The following ITGAD variants were observed in gnomAD, a reference collection of about 807,000 sequenced individuals.
The protein encoded by ITGAD is integrin subunit alpha D.
In ITGAD, 105 loss-of-function variants were observed where a neutral mutation model predicts 139.0. That is an observed-to-expected ratio of 0.76 (90% CI 0.65 to 0.89). ITGAD has a LOEUF of 0.89. Ranked by LOEUF, ITGAD falls within the 40% of genes least tolerant of loss-of-function variation. The pLI, the probability that ITGAD is intolerant of heterozygous loss-of-function variation, is 0.00. For missense variants in ITGAD, 1,384 were observed against 1,487.3 expected (o/e 0.93, Z 1.14); for synonymous variants, 569 against 598.3 (o/e 0.95, Z 0.71).
rs1310827693 is a variant in ITGAD, at chr16:31,418,738, G to A, written c.2780+174G>A. On this transcript the variant is annotated intron_variant, in intron 23 of 29. Coordinates refer to ENST00000389202, the MANE Select transcript of ITGAD (RefSeq NM_005353.3). ...ATTTATGCTGCATAAAGATGTTTCT[G>A]GGCTGGGCGCGGTACCTCGCGCCTG... 4.6e-5 allele frequency among the ~76,000 whole-genome samples: 7 copies of A among 152,294 alleles called. No individual in the cohort carries two copies. The East Asian group carries it at 1.4e-3, about 29-fold the overall frequency.
chr16:31,420,865 A>AC (rs1176992986), intron 23 of ITGAD, among the ~76,000 whole-genome samples: 1 of 151,964 alleles, frequency 6.6e-6, no homozygotes, highest in Non-Finnish European at 1.5e-5. Flanking sequence ...GGCATGAGCC[A>AC]CCACACCTGT....
chr16:31,393,677 C>T (rs1018314308), intron 1 of ITGAD, among the ~76,000 whole-genome samples: 1 of 152,066 alleles, frequency 6.6e-6, no homozygotes, highest in African/African-American at 2.4e-5. Flanking sequence ...TGACAGAGGT[C>T]TCCCCAGCCT....
At position 31,418,056 on chromosome 16, in the gene ITGAD, A is replaced by G; in HGVS notation, c.2500-19A>G. 6.2e-7 allele frequency: 1 copy of G among 1,606,672 alleles called. No homozygotes were observed. The highest frequency in any genetic ancestry group is 8.5e-7 in the Non-Finnish European group (1 of 1,173,456). The stretch of plus-strand genomic sequence containing the variant: ...ACATGCATGCGGGTAACTTCTTAAA[A>G]TTCATTCTCCTCCCCTAGAAGCAGC... On this transcript the variant is annotated intron_variant, in intron 20 of 29. Coordinates refer to ENST00000389202, the MANE Select transcript of ITGAD (RefSeq NM_005353.3).
chr16:31,403,662 C>T lies in ITGAD; in HGVS notation c.704+17C>T. On this transcript the variant is annotated intron_variant, in intron 7 of 29. Transcript: ENST00000389202. This position sits in a 1 kb window ranked among gnomAD's most constrained non-coding sequence, Gnocchi z 4.4. ...GACAGTGGTGTAAGCAACCCCGACC[C>T]CAGCCTGGCGATGTGACTGCCACCC... The T allele has an allele frequency of 6.2e-7, 1 of 1,613,998 alleles. No individual in the cohort carries two copies. Among genetic ancestry groups the T allele is most frequent in the Non-Finnish European group, 8.5e-7 (1 of 1,179,914 alleles).
chr16:31,402,745 G>C (rs1436233029), intron 6 of ITGAD: 1 of 152,550 alleles, frequency 6.6e-6, no homozygotes, highest in African/African-American at 2.4e-5. Context: ...TGGGACTACA[G>C]GTGCATGCCA....
In ITGAD at chr16:31,415,919, C is replaced by T. The variant is rs140791727; in HGVS notation, c.2284-294C>T. Among the ~76,000 whole-genome samples, 808 of 152,318 alleles carry T rather than the reference C, an allele frequency of 5.3e-3. 1 individual carries two copies. The highest frequency in any genetic ancestry group is 9.3e-3 in the Non-Finnish European group (631 of 68,034). On this transcript the variant is annotated intron_variant, in intron 18 of 29. Coordinates refer to ENST00000389202, the MANE Select transcript of ITGAD (RefSeq NM_005353.3). The stretch of plus-strand genomic sequence containing the variant: ...GTCATTTCCACCTTCCCCCAGCCCT[C>T]GCCCAACCCAGAACCTGCACAATTA...
Position 31,411,394 on chromosome 16 carries a change from G to T in ITGAD, c.1584G>T (p.Gly528=), listed in dbSNP as rs201597756. The part of the protein sequence containing the change: ...GRFGAALTVL[G]DVNEDKLIDV... The stretch of plus-strand genomic sequence containing the variant: ...TTGGGGCAGCCCTGACAGTGTTGGG[G>T]GATGTGAATGAGGACAAGCTGATAG... Residue 528 remains glycine (G), a synonymous_variant, in exon 14 of 30, where the codon GGG becomes GGT. Transcript: ENST00000389202. 2 of 1,614,040 alleles carry T rather than the reference G, an allele frequency of 1.2e-6. No individual in the cohort carries two copies. The highest frequency in any genetic ancestry group is 4.5e-5 in the East Asian group (2 of 44,876).
intron 23 of ITGAD, among the ~76,000 whole-genome samples, chr16:31,420,258 G>C (rs1363593798): frequency 6.6e-6 from 1 of 152,188 alleles, no homozygotes; most frequent in Non-Finnish European, 1.5e-5. Context: ...AGGCAGCGCA[G>C]GAAAGGCAAG....
At chr16:31,419,982 G>A (rs2081977509) in intron 23 of ITGAD, among the ~76,000 whole-genome samples, 1 of 152,088 alleles carries the variant, frequency 6.6e-6, no homozygotes, top group African/African-American at 2.4e-5. Context: ...TGCCACCACT[G>A]TGCCTTTCCC....
Position 31,412,569 on chromosome 16 carries a change from G to A in ITGAD, c.1708-269G>A, listed in dbSNP as rs961346389. Among the ~76,000 whole-genome samples, 5 of 152,046 alleles carry A rather than the reference G, an allele frequency of 3.3e-5. 1 individual carries two copies. Among genetic ancestry groups the A allele is most frequent in the Non-Finnish European group, 5.9e-5 (4 of 68,008 alleles). ...GCCCACGGCCTCGTGGCTCATACGT[G>A]GAGGAGTCAGAATTGGAACTAGAGA... On this transcript the variant is annotated intron_variant, in intron 14 of 29. Transcript: ENST00000389202.
intron 1 of ITGAD, among the ~76,000 whole-genome samples, chr16:31,393,766 A>G (rs944683187): frequency 6.6e-6 from 1 of 152,078 alleles, no homozygotes; most frequent in East Asian, 1.9e-4. Context: ...TGTTTCCCCC[A>G]AGTCCTGACT....
Position 31,397,633 on chromosome 16 carries a change from C to G in ITGAD, c.279C>G (p.Thr93=). ...CCGTGAACATGTCCTTGGGCCTGAC[C>G]CTGGCAGCCTCCACCAACGGCTCCC... ...PEAVNMSLGL[T]LAASTNGSRL... Residue 93 remains threonine (T), a synonymous_variant, in exon 4 of 30, where the codon ACC becomes ACG. Transcript: ENST00000389202. 6.2e-7 allele frequency: 1 copy of G among 1,604,470 alleles called. No homozygotes were observed. Among genetic ancestry groups the G allele is most frequent in the South Asian group, 1.1e-5 (1 of 90,840 alleles).
chr16:31,417,602 A>C (rs770888484), intron 20 of ITGAD, among the ~76,000 whole-genome samples: 7 of 151,372 alleles, frequency 4.6e-5, no homozygotes, highest in Non-Finnish European at 7.4e-5. Context: ...CTTTTTAAAA[A>C]ATTTTTTGTA....
At position 31,394,188 on chromosome 16, in the gene ITGAD, T is replaced by C. The variant is rs771366934; in HGVS notation, c.32-48T>C. The C allele has an allele frequency of 1.1e-5, 13 of 1,216,526 alleles. No homozygotes were observed. In the South Asian group the frequency reaches 1.6e-4, roughly 15 times the overall value. The allele number at this position is 1,216,526 out of a possible 1,614,324, so 75.4% of individuals were successfully genotyped here. On this transcript the variant is annotated intron_variant, in intron 1 of 29. Coordinates refer to ENST00000389202, the MANE Select transcript of ITGAD (RefSeq NM_005353.3). ...AAAGAGGCTGGGAGGTCCTAGGGAT[T>C]GGGGCTTCTTTAACTCCCAGCCTCC...
Position 31,414,567 on chromosome 16 carries a change from C to G in ITGAD, c.2113C>G (p.Leu705Val), listed in dbSNP as rs1044903343. ...PTLTRRKTLGLGIHCETLKLL... is the reference protein window; with the variant it reads ...PTLTRRKTLGVGIHCETLKLL... ...TTTGACTCGAAGAAAAACCCTGGGA[C>G]TGGGGATTCACTGTGAAACCCTGAA... The change falls in exon 17 of 30, where the codon CTG (leucine) becomes GTG (valine). Residue 705 changes from leucine (L) to valine (V), a missense_variant. By Grantham distance (32) the Leu-to-Val change is conservative (BLOSUM62 1). Transcript: ENST00000389202. The G allele has an allele frequency of 1.9e-6, 3 of 1,614,066 alleles. No individual in the cohort carries two copies. The African/African-American group carries it at 4.0e-5, about 22-fold the overall frequency.
In ITGAD at chr16:31,411,135, C is replaced by A. The variant is rs138291839; in HGVS notation, c.1416C>A (p.Thr472=). The change falls in exon 13 of 30, where the codon ACC becomes ACA. Residue 472 remains threonine (T), a synonymous_variant. Transcript: ENST00000389202. ...CSVDVDSDGS[T]DLILIGAPHY... ...TGGATGTGGACAGCGATGGCAGCACCGACCTGATCCTCATTGGGGCCCCCC... is the reference window on the plus strand; with the variant it reads ...TGGATGTGGACAGCGATGGCAGCACAGACCTGATCCTCATTGGGGCCCCCC... 282 of 1,613,314 alleles carry A rather than the reference C, an allele frequency of 1.7e-4. No homozygotes were observed. The highest frequency in any genetic ancestry group is 2.2e-4 in the Non-Finnish European group (263 of 1,179,782).
Position 31,393,408 on chromosome 16 carries a change from T to G in ITGAD, c.31+17T>G. ...TTCTGAGTGGTAAGTGGGGCCAGGG[T>G]GCTGGGGAGAAGCTTGGAGGAGTTC... On this transcript the variant is annotated intron_variant, in intron 1 of 29. Coordinates refer to ENST00000389202, the MANE Select transcript of ITGAD (RefSeq NM_005353.3). The G allele has an allele frequency of 6.2e-7, 1 of 1,613,744 alleles. No homozygotes were observed. The highest frequency in any genetic ancestry group is 2.2e-5 in the East Asian group (1 of 44,846).
chr16:31,423,463 C>T lies in ITGAD; in HGVS notation c.2967+4C>T, dbSNP rs747516639. ...GGTCATGGAGGCCCCATCTCAGGTA[C>T]CCGCCTATCTCTCCTCTTTCTTCAG... On this transcript the variant is annotated splice_donor_region_variant and intron_variant, in intron 25 of 29. Coordinates refer to ENST00000389202, the MANE Select transcript of ITGAD (RefSeq NM_005353.3). 1.2e-6 allele frequency: 2 copies of T among 1,612,388 alleles called. No individual in the cohort carries two copies. The highest frequency in any genetic ancestry group is 1.7e-6 in the Non-Finnish European group (2 of 1,178,474).
At position 31,408,489 on chromosome 16, in the gene ITGAD, C is replaced by T. The variant is rs879634064; in HGVS notation, c.1074C>T (p.Ala358=). 6.2e-7 allele frequency: 1 copy of T among 1,613,820 alleles called. No individual in the cohort carries two copies. Among genetic ancestry groups the T allele is most frequent in the Non-Finnish European group, 8.5e-7 (1 of 1,179,798 alleles). The change falls in exon 10 of 30, where the codon GCC becomes GCT. Residue 358 remains alanine, a synonymous_variant. Coordinates refer to ENST00000389202, the MANE Select transcript of ITGAD (RefSeq NM_005353.3). The part of the protein sequence containing the change: ...HEMSQEGFST[A]LTMDGLFLGA... ...TGTCCCAAGAAGGCTTCAGCACAGC[C>T]CTCACAATGGTGGGTAGAGCCTGCC...
Sources: allele counts gnomAD v4.1 joint callset (sites outside exome capture counted in the v4.1 genomes callset), GRCh38; gene constraint gnomAD v4.1.1; non-coding constraint Gnocchi (gnomAD v3.1); transcripts MANE v1.5; gene names NCBI Gene and HGNC (gene_info 2026-07-23, HGNC 2026-07-21).